Variants in ZNF83 observed in about 807,000 individuals in gnomAD.
ZNF83 encodes zinc finger protein 816B.
For synonymous variants in ZNF83, 209 were observed against 213.0 expected, an observed-to-expected ratio of 0.98 and a Z score of 0.17; for missense variants, 552 against 629.9, an observed-to-expected ratio of 0.88 and a Z score of 1.32.
chr19:52,662,991 C>T (rs1390965533), intron 1 of ZNF83, among the ~76,000 whole-genome samples: 3 of 151,876 alleles, frequency 2.0e-5, no homozygotes, highest in South Asian at 4.2e-4. Flanking sequence ...GGTGAAATCC[C>T]GTCTCTATGA....
At chr19:52,686,488 AT>A (rs1439436852) in intron 1 of ZNF83, among the ~76,000 whole-genome samples, 3 of 112,152 alleles carry the variant, frequency 2.7e-5, no homozygotes, top group Non-Finnish European at 5.6e-5. Flanking sequence ...ATATAAATAA[AT>A]GAGAAACCAG....
intron 1 of ZNF83, among the ~76,000 whole-genome samples, chr19:52,664,966 T>A (rs992267062): frequency 3.9e-5 from 6 of 152,064 alleles, no homozygotes; most frequent in Non-Finnish European, 7.4e-5. Flanking sequence ...TCCAGGAAAG[T>A]TCCTTACTAT....
chr19:52,664,262 G>T (rs192288684), intron 1 of ZNF83, among the ~76,000 whole-genome samples: 233 of 151,502 alleles, frequency 1.5e-3, no homozygotes, highest in African/African-American at 5.3e-3. Context: ...TTGGGAGGCC[G>T]ATGCGGCTGG....
At chr19:52,649,690 T>A (rs1385979630) in intron 3 of ZNF83, among the ~76,000 whole-genome samples, 1 of 152,114 alleles carries the variant, frequency 6.6e-6, no homozygotes, top group Non-Finnish European at 1.5e-5. Context: ...TGAGAAAATA[T>A]GCACATTTGG....
At chr19:52,647,128 A>T (rs2061382288) in intron 3 of ZNF83, among the ~76,000 whole-genome samples, 1 of 151,654 alleles carries the variant, frequency 6.6e-6, no homozygotes, top group African/African-American at 2.4e-5. Flanking sequence ...TTTTTTTCCC[A>T]CCTCACCGCC....
chr19:52,623,741 TTTAAGGGGA>T (rs1356505606), intron 2 of ZNF83, among the ~76,000 whole-genome samples: 1 of 152,128 alleles, frequency 6.6e-6, no homozygotes, highest in Non-Finnish European at 1.5e-5. Context: ...CACAACAGGC[TTTAAGGGGA>T]TTAAAGCCTG....
intron 2 of ZNF83, among the ~76,000 whole-genome samples, chr19:52,615,860 C>T (rs1345698301): frequency 1.3e-5 from 2 of 152,226 alleles, no homozygotes; most frequent in South Asian, 2.1e-4. Flanking sequence ...CTTTTTGAGA[C>T]GAAGTCTCAC....
At chr19:52,667,911 A>C (rs569446209) in intron 1 of ZNF83, among the ~76,000 whole-genome samples, 1 of 152,364 alleles carries the variant, frequency 6.6e-6, no homozygotes, top group Non-Finnish European at 1.5e-5. Context: ...AAAATCATAC[A>C]TGAAGTGTTA....
At chr19:52,617,429 T>C (rs1009849985) in intron 2 of ZNF83, 1 of 152,132 alleles carries the variant, frequency 6.6e-6, no homozygotes, top group East Asian at 1.9e-4. Context: ...CAAAGATTAA[T>C]ATGTTAAGAA....
At chr19:52,639,415 A>C (rs8104976), upstream of ZNF83, among the ~76,000 whole-genome samples, 83 of 86,278 alleles carry the variant, frequency 9.6e-4, no homozygotes, top group African/African-American at 1.4e-3. Flanking sequence ...AGTTTTTTCT[A>C]TTTTTTTTTT....
At chr19:52,661,355 C>CCA (rs1230303466) in intron 1 of ZNF83, among the ~76,000 whole-genome samples, 2 of 152,110 alleles carry the variant, frequency 1.3e-5, no homozygotes, top group Non-Finnish European at 2.9e-5. Flanking sequence ...CTGAAAATGT[C>CCA]CACACACACG....
intron 3 of ZNF83, chr19:52,650,996 G>A (rs886640967): frequency 6.6e-6 from 1 of 152,206 alleles, no homozygotes; most frequent in Non-Finnish European, 1.5e-5. Context: ...CCCTTAGAAG[G>A]TAGATTAGGT....
Position 52,650,948 on chromosome 19 carries a change from C to G in ZNF83, c.-74+4613G>C, listed in dbSNP as rs184992240. 8.5e-5 allele frequency: 13 copies of G among 152,284 alleles called. No homozygotes were observed. In the East Asian group the frequency reaches 2.3e-3, roughly 27 times the overall value. The allele number at this position is 152,284 out of a possible 1,614,324, so 9.4% of individuals were successfully genotyped here. A position where few individuals can be genotyped will look rare whatever the true frequency, so the allele number is the denominator to read the frequency against. On this transcript the variant is annotated intron_variant, in intron 3 of 5. Transcript: ENST00000594682. ...CCTCCAATTCACATAAAGTTAAAAA[C>G]TCCCAGGGAAACAGTGAAAAGAAAC... is the stretch of plus-strand genomic sequence containing the variant.
chr19:52,632,355 T>C (rs2061000310), intron 2 of ZNF83, among the ~76,000 whole-genome samples: 2 of 152,192 alleles, frequency 1.3e-5, no homozygotes, highest in South Asian at 4.1e-4. Context: ...CCACTTTCGC[T>C]TCTCAGAATT....
intron 1 of ZNF83, 143 bp from the exon 2 acceptor site, chr19:52,635,296 C>CA (rs750691708): frequency 2.5e-5 from 11 of 445,000 alleles, no homozygotes; most frequent in African/African-American, 4.0e-5. Context: ...TAAACTCCTA[C>CA]AGGAAAACTC....
At chr19:52,630,947 C>T (rs1196435366) in intron 2 of ZNF83, among the ~76,000 whole-genome samples, 1 of 150,554 alleles carries the variant, frequency 6.6e-6, no homozygotes, top group East Asian at 2.0e-4. Flanking sequence ...GCCTATCCAC[C>T]CCATGGTGCC....
chr19:52,643,092 C>T (rs1330266880), upstream of ZNF83, among the ~76,000 whole-genome samples: 1 of 151,988 alleles, frequency 6.6e-6, no homozygotes, highest in African/African-American at 2.4e-5. Context: ...AGTGGAGGTT[C>T]CAGTGAACTT....
At chr19:52,673,964 C>T (rs949329594) in intron 1 of ZNF83, among the ~76,000 whole-genome samples, 1 of 127,608 alleles carries the variant, frequency 7.8e-6, no homozygotes, top group Non-Finnish European at 1.6e-5. Flanking sequence ...CGCAGTGAGT[C>T]GAGATCATGC....
Position 52,683,006 on chromosome 19 carries a change from G to C in ZNF83, c.-283+7437C>G, listed in dbSNP as rs149952003. Among the ~76,000 whole-genome samples the C allele has an allele frequency of 2.1e-3, 326 of 152,264 alleles. 2 individuals carry two copies. Among genetic ancestry groups the C allele is most frequent in the Non-Finnish European group, 3.2e-3 (221 of 68,020 alleles). On this transcript the variant is annotated intron_variant, in intron 1 of 5. Coordinates refer to the ZNF83 transcript ENST00000594682. ...CTGTCTCAGCCTTTTGAGTAGCTGA[G>C]ATTATAGGCATGTGCCACCACACCC...
Sources: gnomAD v4.1 joint callset for allele counts (sites outside exome capture counted in the v4.1 genomes callset) on GRCh38, gnomAD v4.1.1 for gene constraint, MANE v1.5 for transcripts, NCBI Gene and HGNC (gene_info 2026-07-23, HGNC 2026-07-21) for gene names.